The following KLRG1 variants were observed in gnomAD, a reference collection of about 807,000 sequenced individuals.
KLRG1 encodes the protein killer cell lectin-like receptor subfamily G member 1.
Under a neutral mutation model 21.8 loss-of-function variants are expected in KLRG1, and 16 were observed. The ratio of observed to expected loss-of-function variants is 0.73; its 90% CI spans 0.50 to 1.11. The LOEUF is 1.11. Ranked by LOEUF, KLRG1 falls within the 50% of genes most tolerant of loss-of-function variation. The pLI, the probability that KLRG1 is intolerant of heterozygous loss-of-function variation, is 0.00. For synonymous variants in KLRG1, 69 were observed against 75.9 expected (o/e 0.91, Z 0.47); for missense variants, 173 against 218.3 (o/e 0.79, Z 1.31).
At chr12:9,118,673 A>G in the KLRG1 span, among the ~76,000 whole-genome samples, 1 of 152,214 alleles carries the variant, frequency 6.6e-6, no homozygotes, top group Non-Finnish European at 1.5e-5. Flanking sequence ...TGTCTCAATC[A>G]TCTGTATCCT....
chr12:8,954,318 G>A (rs904766779), intron 1 of KLRG1, among the ~76,000 whole-genome samples: 1 of 151,924 alleles, frequency 6.6e-6, no homozygotes, highest in Non-Finnish European at 1.5e-5. Flanking sequence ...GTACGAAGTT[G>A]CGGTTAGATT....
chr12:8,988,893 T>A (rs1040973700), upstream of KLRG1, among the ~76,000 whole-genome samples: 1 of 152,220 alleles, frequency 6.6e-6, no homozygotes, highest in Non-Finnish European at 1.5e-5. Context: ...ACTCTAACTT[T>A]TTATTAACTT....
At chr12:8,950,083 C>G (rs569510041) in exon 1 of KLRG1, 2 of 152,306 alleles carry the variant, frequency 1.3e-5, no homozygotes, top group Admixed American at 6.5e-5. Context: ...TTCCCTAGCC[C>G]GTTCGCCGCC....
At chr12:9,203,500 C>A in the KLRG1 span, among the ~76,000 whole-genome samples, 1 of 152,014 alleles carries the variant, frequency 6.6e-6, no homozygotes, top group South Asian at 2.1e-4. Flanking sequence ...TGCCACTACG[C>A]CCGGCTAATT....
the KLRG1 span, chr12:9,111,926 A>G: frequency 1.5e-6 from 1 of 663,756 alleles, no homozygotes; most frequent in Non-Finnish European, 2.9e-6. Flanking sequence ...CCATCCGAAA[A>G]GTAAATTTAA....
At chr12:8,978,692 T>TTTCTTTA (rs1592252228) in intron 1 of KLRG1, among the ~76,000 whole-genome samples, 1 of 145,446 alleles carries the variant, frequency 6.9e-6, no homozygotes, top group East Asian at 2.0e-4. Context: ...TTCTTTCTTT[T>TTTCTTTA]TCTTTCTTTT....
At chr12:8,957,159 A>G (rs765171765) in intron 1 of KLRG1, among the ~76,000 whole-genome samples, 1 of 152,328 alleles carries the variant, frequency 6.6e-6, no homozygotes, top group Non-Finnish European at 1.5e-5. Flanking sequence ...GTGAACTTGT[A>G]TGTATCAGTA....
the KLRG1 span, among the ~76,000 whole-genome samples, chr12:9,032,918 A>G: frequency 6.6e-6 from 1 of 152,130 alleles, no homozygotes; most frequent in Non-Finnish European, 1.5e-5. Context: ...CCCTCTGACC[A>G]CCAACTATCC....
At chr12:9,079,624 CA>C in the KLRG1 span, 1 of 1,606,532 alleles carries the variant, frequency 6.2e-7, no homozygotes, top group Admixed American at 1.7e-5. Flanking sequence ...TTCCCTTACT[CA>C]AGTAATCACT....
chr12:9,100,289 G>A, the KLRG1 span, among the ~76,000 whole-genome samples: 17 of 152,172 alleles, frequency 1.1e-4, no homozygotes, highest in African/African-American at 3.9e-4. Context: ...CCTTGAAATC[G>A]TACATTTTCT....
intron 1 of KLRG1, among the ~76,000 whole-genome samples, chr12:8,954,634 C>T (rs929032671): frequency 2.6e-5 from 4 of 151,890 alleles, no homozygotes; most frequent in Non-Finnish European, 4.4e-5. Flanking sequence ...ATTGAAAAAC[C>T]AAGATGTGAT....
At chr12:9,026,322 T>C in the KLRG1 span, among the ~76,000 whole-genome samples, 2 of 152,232 alleles carry the variant, frequency 1.3e-5, no homozygotes, top group Non-Finnish European at 2.9e-5. Context: ...ACATGTATTC[T>C]GTTTTCTCAT....
intron 1 of KLRG1, chr12:8,971,060 C>T (rs1246491973): frequency 3.3e-5 from 5 of 152,062 alleles, no homozygotes; most frequent in Middle Eastern, 3.2e-3. Context: ...ATTTTCTTTT[C>T]TTGCAATTTT....
At chr12:9,137,007 T>G in the KLRG1 span, among the ~76,000 whole-genome samples, 1 of 152,344 alleles carries the variant, frequency 6.6e-6, no homozygotes, top group Admixed American at 6.5e-5. Context: ...ATTATTCCTT[T>G]GCTTTGCAAG....
intron 1 of KLRG1, among the ~76,000 whole-genome samples, chr12:8,965,511 A>G (rs1424878538): frequency 2.0e-5 from 3 of 152,002 alleles, no homozygotes; most frequent in African/African-American, 7.2e-5. Flanking sequence ...AAATCAATGT[A>G]CAAAAATCAC....
chr12:9,147,104 T>G, the KLRG1 span, among the ~76,000 whole-genome samples: 2 of 152,158 alleles, frequency 1.3e-5, no homozygotes, highest in African/African-American at 4.8e-5. Context: ...TGTTTGGGTA[T>G]CTACAGAAAA....
the KLRG1 span, chr12:9,150,693 T>C: frequency 6.2e-7 from 1 of 1,613,280 alleles, no homozygotes; most frequent in African/African-American, 1.3e-5. Flanking sequence ...TCAAGTCTCC[T>C]ACTGGGATGT....
At chr12:9,112,651 G>T in the KLRG1 span, 1 of 1,129,522 alleles carries the variant, frequency 8.9e-7, no homozygotes, top group Non-Finnish European at 1.3e-6. Flanking sequence ...TCACTCCCTT[G>T]TTCTCAGCAG....
At chr12:9,022,747 C>A in the KLRG1 span, among the ~76,000 whole-genome samples, 1 of 152,204 alleles carries the variant, frequency 6.6e-6, no homozygotes, top group African/African-American at 2.4e-5. Flanking sequence ...ACGTGTGCCA[C>A]TCCTCAACTC....
Sources: allele counts gnomAD v4.1 joint callset (sites outside exome capture counted in the v4.1 genomes callset), GRCh38; gene constraint gnomAD v4.1.1; transcripts MANE v1.5; gene names NCBI Gene and HGNC (gene_info 2026-07-23, HGNC 2026-07-21).